The following CCSER1 variants were observed in gnomAD, a reference collection of about 807,000 sequenced individuals.
CCSER1 encodes serine-rich coiled-coil domain-containing protein 1.
Under a neutral mutation model 82.0 loss-of-function variants are expected in CCSER1, and 41 were observed. The observed-to-expected ratio is 0.50, with a 90% confidence interval of 0.39 to 0.65. The LOEUF (loss-of-function observed/expected upper bound fraction) is 0.65. CCSER1 is among the 30% of genes least tolerant of loss of function. The pLI, the probability that CCSER1 is intolerant of heterozygous loss-of-function variation, is 0.00. For missense variants in CCSER1, 1,119 were observed against 1,064.2 expected (o/e 1.05, Z -0.72); for synonymous variants, 414 against 383.9 (o/e 1.08, Z -0.92).
chr4:90,536,707 A>C lies in CCSER1; in HGVS notation c.1724+68353A>C, dbSNP rs142191603. On this transcript the variant is annotated intron_variant, in intron 5 of 10. Coordinates refer to ENST00000509176, the MANE Select transcript of CCSER1 (RefSeq NM_001145065.2). ...TAATTGAAGATCTGGCTTACATCCC[A>C]GTTCTGTTACTGATGCTGCATTGAA... Among the ~76,000 whole-genome samples, 385 of 152,350 alleles carry C rather than the reference A, an allele frequency of 2.5e-3. 2 individuals carry two copies. The highest frequency in any genetic ancestry group is 8.7e-3 in the African/African-American group (363 of 41,572).
At chr4:91,506,334 A>G (rs1578646602) in intron 10 of CCSER1, among the ~76,000 whole-genome samples, 1 of 152,170 alleles carries the variant, frequency 6.6e-6, no homozygotes, top group East Asian at 1.9e-4. Flanking sequence ...TGGCTACCGT[A>G]GCCTTGTATT....
At chr4:90,130,891 T>C (rs909218692) in intron 1 of CCSER1, among the ~76,000 whole-genome samples, 1 of 152,134 alleles carries the variant, frequency 6.6e-6, no homozygotes, top group African/African-American at 2.4e-5. Flanking sequence ...TGTGCTGGGA[T>C]TACAGGCGTG....
At chr4:90,809,660 A>G (rs1025292224) in intron 7 of CCSER1, among the ~76,000 whole-genome samples, 3 of 152,056 alleles carry the variant, frequency 2.0e-5, no homozygotes, top group Non-Finnish European at 4.4e-5. Flanking sequence ...ACCAAAAACC[A>G]CTTGTACCCC....
At chr4:91,133,710 C>G (rs1482754547) in intron 10 of CCSER1, among the ~76,000 whole-genome samples, 1 of 152,106 alleles carries the variant, frequency 6.6e-6, no homozygotes, top group African/African-American at 2.4e-5. Context: ...TTTTAAAGAC[C>G]ATTATTTACT....
chr4:90,926,480 A>T (rs1729077451), intron 9 of CCSER1, among the ~76,000 whole-genome samples: 1 of 152,076 alleles, frequency 6.6e-6, no homozygotes, highest in Non-Finnish European at 1.5e-5. Flanking sequence ...TTTGCTTAAG[A>T]TAAGAAATAG....
intron 1 of CCSER1, among the ~76,000 whole-genome samples, chr4:90,215,849 C>G (rs1443671188): frequency 6.6e-6 from 1 of 152,112 alleles, no homozygotes; most frequent in African/African-American, 2.4e-5. Context: ...GGCTTTACTA[C>G]CTGAGAACAT....
intron 5 of CCSER1, among the ~76,000 whole-genome samples, chr4:90,592,404 A>G (rs1242604163): frequency 6.6e-6 from 1 of 152,116 alleles, no homozygotes; most frequent in Admixed American, 6.6e-5. Flanking sequence ...GTGTTAAATT[A>G]ACAGCTTTAA....
intron 3 of CCSER1, among the ~76,000 whole-genome samples, chr4:90,354,968 C>T (rs1040468379): frequency 1.3e-5 from 2 of 151,926 alleles, no homozygotes; most frequent in Non-Finnish European, 2.9e-5. Flanking sequence ...TTTCTTTAAT[C>T]CCTCAGTGCC....
intron 7 of CCSER1, among the ~76,000 whole-genome samples, chr4:90,787,825 G>A (rs569460707): frequency 6.6e-6 from 1 of 152,152 alleles, no homozygotes; most frequent in Non-Finnish European, 1.5e-5. Context: ...TAGATATTTT[G>A]ACTAGAAAGT....
At chr4:91,403,619 T>C (rs1752486058) in intron 10 of CCSER1, among the ~76,000 whole-genome samples, 1 of 152,194 alleles carries the variant, frequency 6.6e-6, no homozygotes, top group Non-Finnish European at 1.5e-5. Flanking sequence ...CGCTAAATAT[T>C]GTTGAATGCC....
chr4:91,392,363 G>GCACACACGCACACACACACACACACACA (rs58770768), intron 10 of CCSER1, among the ~76,000 whole-genome samples: 3 of 148,118 alleles, frequency 2.0e-5, no homozygotes, highest in South Asian at 4.3e-4. Context: ...ACCTACACAT[G>GCACACACGCACACACACACACACACACA]CACACACACA....
chr4:90,534,646 A>G (rs144002952), intron 5 of CCSER1, among the ~76,000 whole-genome samples: 125 of 152,342 alleles, frequency 8.2e-4, no homozygotes, highest in African/African-American at 2.8e-3. Context: ...GATCATTGCT[A>G]TTGAAGGCTT....
intron 10 of CCSER1, among the ~76,000 whole-genome samples, chr4:91,278,038 A>C (rs1235961328): frequency 2.0e-5 from 3 of 152,018 alleles, no homozygotes; most frequent in African/African-American, 7.2e-5. Context: ...TGGTGGCCTG[A>C]GAGGATACTT....
At chr4:90,496,666 TA>T (rs1208315435) in intron 5 of CCSER1, among the ~76,000 whole-genome samples, 1 of 152,124 alleles carries the variant, frequency 6.6e-6, no homozygotes, top group Non-Finnish European at 1.5e-5. Context: ...TGAAGGTAAC[TA>T]AAGAAACCTT....
intron 10 of CCSER1, among the ~76,000 whole-genome samples, chr4:91,094,535 G>T (rs1216326582): frequency 6.6e-6 from 1 of 152,260 alleles, no homozygotes; most frequent in East Asian, 1.9e-4. Context: ...AGGTAGGAGG[G>T]GGGTGTTCCA....
At chr4:90,640,996 A>G (rs1315418922) in intron 6 of CCSER1, among the ~76,000 whole-genome samples, 2 of 152,160 alleles carry the variant, frequency 1.3e-5, no homozygotes, top group Admixed American at 6.5e-5. Flanking sequence ...TACTAGGTGC[A>G]TATGATTTTG....
intron 1 of CCSER1, among the ~76,000 whole-genome samples, chr4:90,219,365 A>AT (rs1741704795): frequency 6.6e-6 from 1 of 152,140 alleles, no homozygotes; most frequent in African/African-American, 2.4e-5. Context: ...TTATCAGGTT[A>AT]TTTTTTAGAA....
At chr4:90,960,906 C>T (rs1733991196) in intron 9 of CCSER1, among the ~76,000 whole-genome samples, 1 of 152,038 alleles carries the variant, frequency 6.6e-6, no homozygotes, top group Non-Finnish European at 1.5e-5. Flanking sequence ...TATTTTTATC[C>T]CCATTTAATA....
chr4:90,649,180 A>G (rs1348322906), intron 6 of CCSER1, among the ~76,000 whole-genome samples: 1 of 152,212 alleles, frequency 6.6e-6, no homozygotes. Flanking sequence ...TGCAGGACAT[A>G]TTAGAATAAA....
Sources: allele counts gnomAD v4.1 joint callset (sites outside exome capture counted in the v4.1 genomes callset), GRCh38; gene constraint gnomAD v4.1.1; transcripts MANE v1.5; gene names NCBI Gene and HGNC (gene_info 2026-07-23, HGNC 2026-07-21).